TNRC6C: variants seen among roughly 807,000 people sequenced by gnomAD.
The protein encoded by TNRC6C is trinucleotide repeat containing adaptor 6C.
In TNRC6C, 20 loss-of-function variants were observed where a neutral mutation model predicts 153.7. That is an observed-to-expected ratio of 0.13 (90% confidence interval 0.09 to 0.19). TNRC6C has a LOEUF of 0.19. Ranked by LOEUF, TNRC6C falls within the 10% of genes least tolerant of loss-of-function variation. TNRC6C has a pLI of 1.00. For missense variants in TNRC6C, 1,987 were observed against 2,172.0 expected, an observed-to-expected ratio of 0.91 and a Z score of 1.69; for synonymous variants, 811 against 841.4, an observed-to-expected ratio of 0.96 and a Z score of 0.63.
exon 20 of TNRC6C, chr17:78,108,779 G>A (rs1401300045): frequency 6.6e-6 from 1 of 152,388 alleles, no homozygotes; most frequent in African/African-American, 2.4e-5. Flanking sequence ...TGCATCTGTG[G>A]ATATATATTT....
rs764495786 is a variant in TNRC6C at position 78,104,763 on chromosome 17, CCGA to C, written c.4996_4998del (p.Asp1666del). 271 of 1,482,532 alleles carry C rather than the reference CCGA, an allele frequency of 1.8e-4. No individual in the cohort carries two copies. Among genetic ancestry groups the C allele is most frequent in the Non-Finnish European group, 2.3e-4 (255 of 1,116,506 alleles). 91.8% of individuals were successfully genotyped at this position (1,482,532 alleles called of 1,614,324 possible). On this transcript the variant is annotated inframe_deletion, in exon 20 of 20. Coordinates refer to ENST00000301624, the Ensembl canonical transcript of TNRC6C. This position sits in a 1 kb window ranked among gnomAD's most constrained non-coding sequence, Gnocchi z 6.2. ...AGCAGCCTGTGGGGCCCGCCCAGCG[CCGA>C]CGACAGCAGGGTGATAGGCAGCCCC...
At chr17:77,960,821 A>G (rs577838952) in intron 1 of TNRC6C, among the ~76,000 whole-genome samples, 42 of 152,336 alleles carry the variant, frequency 2.8e-4, no homozygotes, top group African/African-American at 9.6e-4. Flanking sequence ...TGACTAGTTC[A>G]GTTGTCGGAA....
At chr17:78,076,463 T>G (rs1410724952) in intron 8 of TNRC6C, among the ~76,000 whole-genome samples, 1 of 152,166 alleles carries the variant, frequency 6.6e-6, no homozygotes, top group East Asian at 1.9e-4. Context: ...CTGTTTAAAC[T>G]GATAAAATTA....
Position 78,092,822 on chromosome 17 carries a change from G to A in TNRC6C, c.3971-111G>A, listed in dbSNP as rs530743156. 1.4e-4 allele frequency: 110 copies of A among 796,814 alleles called. 3 individuals carry two copies. In the South Asian group the frequency reaches 1.9e-3, roughly 14 times the overall value. The allele number at this position is 796,814 out of a possible 1,614,324, so 49.4% of individuals were successfully genotyped here. A position where few individuals can be genotyped will look rare whatever the true frequency, so the allele number is the denominator to read the frequency against. ...CTTACAATTCATGTAACTGAATAGGGCAAGGCATTGGACCTAGAACAGAAG... is the reference window on the plus strand; with the variant it reads ...CTTACAATTCATGTAACTGAATAGGACAAGGCATTGGACCTAGAACAGAAG... On this transcript the variant is annotated intron_variant, in intron 14 of 19. Coordinates refer to ENST00000301624, the Ensembl canonical transcript of TNRC6C.
exon 19 of TNRC6C, chr17:78,103,510 A>G: frequency 1.2e-6 from 2 of 1,614,034 alleles, no homozygotes; most frequent in Non-Finnish European, 1.7e-6. Context: ...GGTCCGGTAC[A>G]GCTCCAAGGA....
At chr17:78,003,505 A>G (rs1362673232), upstream of TNRC6C, among the ~76,000 whole-genome samples, 1 of 152,246 alleles carries the variant, frequency 6.6e-6, no homozygotes, top group African/African-American at 2.4e-5. Flanking sequence ...ACTCAGTAGA[A>G]GGATTAGAAG....
intron 3 of TNRC6C, among the ~76,000 whole-genome samples, chr17:78,057,798 A>C (rs1391470599): frequency 6.6e-6 from 1 of 151,964 alleles, no homozygotes; most frequent in Non-Finnish European, 1.5e-5. Flanking sequence ...CTCCTGTCTT[A>C]TAAAATATGA....
At position 78,077,167 on chromosome 17, in the gene TNRC6C, C is replaced by T; in HGVS notation, c.3061-18C>T. On this transcript the variant is annotated intron_variant, in intron 8 of 19. Transcript: ENST00000301624. ...TGATGGACACTGCACACAGCTCACC[C>T]TTTCTTTCTCCAATCAGGATGGCGG... 6.3e-7 allele frequency: 1 copy of T among 1,595,262 alleles called. No individual in the cohort carries two copies.
chr17:78,077,613 A>T (rs762494303), intron 9 of TNRC6C: 3 of 483,232 alleles, frequency 6.2e-6, no homozygotes, highest in Non-Finnish European at 1.1e-5. Context: ...TAAAGTGATG[A>T]TGTGTTGCAC....
At chr17:78,033,599 G>T (rs1355738314) in intron 2 of TNRC6C, among the ~76,000 whole-genome samples, 6 of 151,984 alleles carry the variant, frequency 3.9e-5, no homozygotes, top group Non-Finnish European at 5.9e-5. Flanking sequence ...AACCTGGGAC[G>T]TGGAGGTTGC....
At chr17:78,062,690 A>C (rs1455748630) in intron 3 of TNRC6C, among the ~76,000 whole-genome samples, 1 of 152,182 alleles carries the variant, frequency 6.6e-6, no homozygotes, top group Non-Finnish European at 1.5e-5. Context: ...ATGCAATATA[A>C]AATGTTTTTT....
At chr17:78,077,085 A>AT in intron 8 of TNRC6C, 100 bp from the exon 11 acceptor site, 3 of 1,338,124 alleles carry the variant, frequency 2.2e-6, no homozygotes, top group Non-Finnish European at 3.0e-6. Context: ...TCTGTTAATT[A>AT]TTTATCCATC....
At chr17:78,083,306 C>A (rs1052413002) in intron 11 of TNRC6C, 140 bp downstream of exon 13, 2 of 1,205,356 alleles carry the variant, frequency 1.7e-6, no homozygotes, top group African/African-American at 1.5e-5. Context: ...TTAAACTCTT[C>A]ATGAGTTAGG....
chr17:78,044,374 A>G (rs890026862), intron 2 of TNRC6C, among the ~76,000 whole-genome samples: 4 of 152,232 alleles, frequency 2.6e-5, no homozygotes, highest in South Asian at 2.1e-4. Flanking sequence ...CATTCAATGT[A>G]TGTTTATTTA....
chr17:77,968,612 G>A (rs1405075347), intron 1 of TNRC6C, among the ~76,000 whole-genome samples: 1 of 152,180 alleles, frequency 6.6e-6, no homozygotes, highest in Admixed American at 6.5e-5. Flanking sequence ...CAAAGTGCTG[G>A]GATTACAGGC....
intron 1 of TNRC6C, among the ~76,000 whole-genome samples, chr17:77,984,634 A>G (rs1000975440): frequency 6.6e-6 from 1 of 152,206 alleles, no homozygotes; most frequent in African/African-American, 2.4e-5. Flanking sequence ...AGTGGTGCCT[A>G]TGAAGCAGCC....
Position 78,025,451 on chromosome 17 carries a change from T to C in TNRC6C, c.-545-6065T>C, listed in dbSNP as rs536629476. 4.5e-4 allele frequency among the ~76,000 whole-genome samples: 69 copies of C among 152,338 alleles called. 1 individual carries two copies. The highest frequency in any genetic ancestry group is 1.5e-3 in the African/African-American group (64 of 41,572). ...CTAATTTTTTTAAATCACGTAATGT[T>C]CCATTGTCTGAATGCACCAGTTTAT... On this transcript the variant is annotated intron_variant, in intron 1 of 19. Transcript: ENST00000301624.
At chr17:78,058,071 C>T (rs1296185088) in intron 3 of TNRC6C, among the ~76,000 whole-genome samples, 2 of 152,088 alleles carry the variant, frequency 1.3e-5, no homozygotes, top group Non-Finnish European at 2.9e-5. Context: ...TTGTAGGCTG[C>T]CTGAGAAGGG....
Position 78,079,263 on chromosome 17 carries a change from G to T in TNRC6C, c.3211-132G>T. 7.4e-7 allele frequency: 1 copy of T among 1,345,236 alleles called. No homozygotes were observed. The highest frequency in any genetic ancestry group is 1.4e-5 in the African/African-American group (1 of 69,264). 83.3% of individuals were successfully genotyped at this position (1,345,236 alleles called of 1,614,324 possible). A position where few individuals can be genotyped will look rare whatever the true frequency, so the allele number is the denominator to read the frequency against. ...GACTCTGTCTCAAAAAAATTCTCTT[G>T]GGTACAAGTTGACAGTGGTAGGAAG... On this transcript the variant is annotated intron_variant, in intron 9 of 19. Coordinates refer to ENST00000301624, the Ensembl canonical transcript of TNRC6C. The surrounding 1 kb of genome is among the most constrained non-coding windows in gnomAD (Gnocchi z 4.3).
Sources: gnomAD v4.1 joint callset for allele counts (sites outside exome capture counted in the v4.1 genomes callset) on GRCh38, gnomAD v4.1.1 for gene constraint, Gnocchi (gnomAD v3.1) non-coding constraint, MANE v1.5 for transcripts, NCBI Gene and HGNC (gene_info 2026-07-23, HGNC 2026-07-21) for gene names.